PLSCR2: variants seen among roughly 807,000 people sequenced by gnomAD.
PLSCR2 encodes PL scramblase 2.
Under a neutral mutation model 25.3 loss-of-function variants are expected in PLSCR2, and 18 were observed. That is an observed-to-expected ratio of 0.71 (90% CI 0.49 to 1.06). PLSCR2 has a LOEUF of 1.06. Ranked by LOEUF, PLSCR2 falls within the 50% of genes least tolerant of loss-of-function variation. The probability of loss-of-function intolerance (pLI) is 0.00; values close to 1 mark genes in which losing one functional copy is unlikely to be tolerated. For synonymous variants in PLSCR2, 88 were observed against 87.3 expected (o/e 1.01, Z -0.04); for missense variants, 243 against 269.5 (o/e 0.90, Z 0.69).
At chr3:146,410,839 C>T (rs1396623195) in intron 2 of PLSCR2, among the ~76,000 whole-genome samples, 1 of 152,192 alleles carries the variant, frequency 6.6e-6, no homozygotes, top group African/African-American at 2.4e-5. Flanking sequence ...CAGATGCCCA[C>T]CTGGCCGCTC....
chr3:146,408,590 A>G (rs1444390303), intron 2 of PLSCR2, among the ~76,000 whole-genome samples: 1 of 152,124 alleles, frequency 6.6e-6, no homozygotes, highest in African/African-American at 2.4e-5. Context: ...TATTCATTCC[A>G]GCAAATCCTT....
At chr3:146,491,218 G>C (rs1341070714) in intron 1 of PLSCR2, among the ~76,000 whole-genome samples, 1 of 152,044 alleles carries the variant, frequency 6.6e-6, no homozygotes, top group Non-Finnish European at 1.5e-5. Flanking sequence ...AACTTCTGCT[G>C]TTAGACTACT....
Position 146,465,886 on chromosome 3 carries a change from C to T in PLSCR2, c.-292-5602G>A, listed in dbSNP as rs569221873. Among the ~76,000 whole-genome samples the T allele has an allele frequency of 2.6e-4, 40 of 152,306 alleles. No individual in the cohort carries two copies. In the South Asian group the frequency reaches 3.5e-3, roughly 13 times the overall value. ...TTTGGTTACCATCTAAGAAGACAAA[C>T]ATTTCATCCCTTGAATTGTGGTTTC... On this transcript the variant is annotated intron_variant, in intron 1 of 8. Coordinates refer to the PLSCR2 transcript ENST00000336685.
chr3:146,411,826 G>GA (rs999730321), intron 2 of PLSCR2, among the ~76,000 whole-genome samples: 22 of 152,014 alleles, frequency 1.4e-4, no homozygotes, highest in African/African-American at 5.3e-4. Context: ...ATGGTTACAG[G>GA]AAAGTAAACA....
At chr3:146,492,739 T>TA (rs1431750532) in intron 1 of PLSCR2, among the ~76,000 whole-genome samples, 5 of 151,434 alleles carry the variant, frequency 3.3e-5, no homozygotes, top group African/African-American at 1.2e-4. Flanking sequence ...TGGAGGAATT[T>TA]TAAAAAAAAA....
intron 5 of PLSCR2, among the ~76,000 whole-genome samples, chr3:146,451,842 A>C (rs976342009): frequency 6.6e-6 from 1 of 152,206 alleles, no homozygotes; most frequent in Non-Finnish European, 1.5e-5. Flanking sequence ...CTTGCCATGA[A>C]GGTGGCTTAC....
chr3:146,426,242 T>TTCCCTCCCTCC (rs2039345305), intron 2 of PLSCR2, among the ~76,000 whole-genome samples: 1 of 105,928 alleles, frequency 9.4e-6, no homozygotes, highest in African/African-American at 3.9e-5. Flanking sequence ...TCCCTCCCTC[T>TTCCCTCCCTCC]CTCCCTCTCT....
At chr3:146,462,039 C>G (rs1294587360), upstream of PLSCR2, 1 of 607,582 alleles carries the variant, frequency 1.6e-6, no homozygotes, top group African/African-American at 1.9e-5. Context: ...AAATTACTTA[C>G]TTTTATTGTT....
In PLSCR2 at chr3:146,480,198, C is replaced by T. The variant is rs373970760; in HGVS notation, c.-293+15697G>A. 6.6e-5 allele frequency among the ~76,000 whole-genome samples: 10 copies of T among 152,150 alleles called. No homozygotes were observed. In the East Asian group the frequency reaches 1.9e-3, roughly 29 times the overall value. On this transcript the variant is annotated intron_variant, in intron 1 of 8. Transcript: ENST00000336685. ...AGAACTAGAGAAGCAACAGCAAACA[C>T]ATTCAAAAGCTAGCAGAAGGCAAGA...
At chr3:146,425,453 T>C (rs1194221031) in intron 2 of PLSCR2, among the ~76,000 whole-genome samples, 1 of 152,184 alleles carries the variant, frequency 6.6e-6, no homozygotes, top group Non-Finnish European at 1.5e-5. Flanking sequence ...AGTTTGGTAC[T>C]ATCTACTATT....
At chr3:146,449,455 A>G in intron 5 of PLSCR2, 88 bp from the exon 6 acceptor site, 1 of 843,152 alleles carries the variant, frequency 1.2e-6, no homozygotes, top group South Asian at 1.7e-5. Context: ...GGAAGGAAAT[A>G]TTATAGTACA....
chr3:146,419,121 T>C (rs924445776), intron 2 of PLSCR2, among the ~76,000 whole-genome samples: 5 of 152,094 alleles, frequency 3.3e-5, no homozygotes, highest in African/African-American at 1.2e-4. Context: ...CTCTCTCTCT[T>C]CTTTTTTATC....
At chr3:146,445,999 A>G (rs2040534595) in intron 6 of PLSCR2, among the ~76,000 whole-genome samples, 2 of 152,022 alleles carry the variant, frequency 1.3e-5, no homozygotes, top group Admixed American at 6.6e-5. Flanking sequence ...GTTTCTTTTT[A>G]GCTATTTCAA....
intron 6 of PLSCR2, 118 bp downstream of exon 6, chr3:146,449,088 A>C: frequency 2.6e-6 from 2 of 780,014 alleles, no homozygotes; most frequent in Non-Finnish European, 4.1e-6. Flanking sequence ...TTAAATGAGA[A>C]CATTTTATAA....
Position 146,459,913 on chromosome 3 carries a change from C to A in PLSCR2, c.-9G>T, listed in dbSNP as rs1013167914. Reference sequence around the variant, plus strand: ...GGTGGTGGTGCTGGCATCCATGGTACCCCTTCAGGTCTACCTGGCTGATTT... The same window carrying A: ...GGTGGTGGTGCTGGCATCCATGGTAACCCTTCAGGTCTACCTGGCTGATTT... On this transcript the variant is annotated 5_prime_UTR_variant, in exon 2 of 7. Transcript: ENST00000610787. 1 of 1,613,958 alleles carries A rather than the reference C, an allele frequency of 6.2e-7. No individual in the cohort carries two copies. Among genetic ancestry groups the A allele is most frequent in the Non-Finnish European group, 8.5e-7 (1 of 1,179,986 alleles).
intron 8 of PLSCR2, among the ~76,000 whole-genome samples, chr3:146,436,091 G>T (rs1327203032): frequency 1.3e-5 from 2 of 152,028 alleles, no homozygotes; most frequent in Non-Finnish European, 2.9e-5. Flanking sequence ...GTACATGTGT[G>T]GTATTATTTC....
intron 1 of PLSCR2, among the ~76,000 whole-genome samples, chr3:146,491,371 T>C (rs2043547035): frequency 6.6e-6 from 1 of 152,158 alleles, no homozygotes; most frequent in African/African-American, 2.4e-5. Flanking sequence ...CAGGGTTCTC[T>C]GAATTTCTTA....
At chr3:146,411,400 TG>T (rs1472535964) in intron 2 of PLSCR2, among the ~76,000 whole-genome samples, 4 of 152,162 alleles carry the variant, frequency 2.6e-5, no homozygotes, top group African/African-American at 9.7e-5. Context: ...TACCTGACCC[TG>T]GGGTCAGAAG....
intron 8 of PLSCR2, among the ~76,000 whole-genome samples, chr3:146,435,886 T>A (rs1296294175): frequency 6.6e-6 from 1 of 152,224 alleles, no homozygotes; most frequent in East Asian, 1.9e-4. Context: ...GGTTTTCTCC[T>A]AGGGTTTTTA....
Sources: allele counts gnomAD v4.1 joint callset (sites outside exome capture counted in the v4.1 genomes callset), GRCh38; gene constraint gnomAD v4.1.1; transcripts MANE v1.5; gene names NCBI Gene and HGNC (gene_info 2026-07-23, HGNC 2026-07-21).